PCDH7: variants seen among roughly 807,000 people sequenced by gnomAD.
The protein encoded by PCDH7 is protocadherin-7.
PCDH7 carries 17 observed loss-of-function variants against 58.9 expected under a neutral mutation model. The observed-to-expected ratio is 0.29, with a 90% CI of 0.20 to 0.43. PCDH7 has a LOEUF of 0.43. Ranked by LOEUF, PCDH7 falls within the 20% of genes least tolerant of loss-of-function variation. The pLI is 1.00. For synonymous variants in PCDH7, 664 were observed against 616.4 expected, an observed-to-expected ratio of 1.08 and a Z score of -1.14; for missense variants, 1,274 against 1,441.0, an observed-to-expected ratio of 0.88 and a Z score of 1.88.
At chr4:31,061,604 A>G (rs2109238528) in intron 3 of PCDH7, among the ~76,000 whole-genome samples, 1 of 151,826 alleles carries the variant, frequency 6.6e-6, no homozygotes, top group Non-Finnish European at 1.5e-5. Flanking sequence ...GTAACAAAGC[A>G]AAATATATAT....
intron 3 of PCDH7, among the ~76,000 whole-genome samples, chr4:31,087,540 G>A (rs1047166123): frequency 3.3e-5 from 5 of 152,082 alleles, no homozygotes; most frequent in Non-Finnish European, 5.9e-5. Context: ...GAGATAGATA[G>A]TTGTTGACAT....
chr4:31,078,315 G>A (rs764443105), intron 3 of PCDH7, among the ~76,000 whole-genome samples: 43 of 151,840 alleles, frequency 2.8e-4, no homozygotes, highest in Non-Finnish European at 4.0e-4. Context: ...ACAGGGTGTC[G>A]CTCTGCAGCC....
intron 3 of PCDH7, among the ~76,000 whole-genome samples, chr4:31,114,724 AGAG>A (rs1716786153): frequency 6.6e-6 from 1 of 151,918 alleles, no homozygotes; most frequent in Non-Finnish European, 1.5e-5. Flanking sequence ...TGGCAGGGAT[AGAG>A]GAGAGAGAAA....
In PCDH7 at chr4:30,894,600, T is replaced by C. The variant is rs1431917238; in HGVS notation, c.71-25553T>C. On this transcript the variant is annotated intron_variant, in intron 1 of 3. Coordinates refer to the PCDH7 transcript ENST00000509759. ...ACACATATATACACACACACACATA[T>C]ATATATATATATATATGTTTTGAGT... Among the ~76,000 whole-genome samples, 269 of 139,662 alleles carry C rather than the reference T, an allele frequency of 1.9e-3. 2 individuals carry two copies. The highest frequency in any genetic ancestry group is 6.7e-3 in the African/African-American group (255 of 37,934). 91.6% of individuals were successfully genotyped at this position (139,662 alleles called of 152,430 possible). A position where few individuals can be genotyped will look rare whatever the true frequency, so the allele number is the denominator to read the frequency against.
At chr4:30,751,221 C>A (rs1232386144) in intron 1 of PCDH7, among the ~76,000 whole-genome samples, 1 of 152,108 alleles carries the variant, frequency 6.6e-6, no homozygotes, top group African/African-American at 2.4e-5. Context: ...GGAATTTTGT[C>A]TTTAAATTAA....
chr4:30,729,722 G>T (rs1261880318), intron 1 of PCDH7, among the ~76,000 whole-genome samples: 1 of 151,698 alleles, frequency 6.6e-6, no homozygotes, highest in African/African-American at 2.4e-5. Context: ...TGACTTCTGG[G>T]CTTGTGTGCA....
chr4:30,748,352 T>A (rs1271570490), intron 1 of PCDH7, among the ~76,000 whole-genome samples: 5 of 152,176 alleles, frequency 3.3e-5, no homozygotes, highest in African/African-American at 1.2e-4. Flanking sequence ...TGCCACAGAC[T>A]GGGCAATTTA....
chr4:30,759,488 A>G (rs1719755102), intron 1 of PCDH7, among the ~76,000 whole-genome samples: 1 of 152,184 alleles, frequency 6.6e-6, no homozygotes. Flanking sequence ...AGTCAACTTT[A>G]TTCCAATCTG....
chr4:31,096,120 T>C (rs142006771), intron 3 of PCDH7, among the ~76,000 whole-genome samples: 4 of 152,290 alleles, frequency 2.6e-5, no homozygotes, highest in Non-Finnish European at 5.9e-5. Flanking sequence ...CACAGGCATA[T>C]CATATGTGCA....
chr4:31,037,807 T>A (rs1755542845), intron 3 of PCDH7, among the ~76,000 whole-genome samples: 1 of 152,220 alleles, frequency 6.6e-6, no homozygotes, highest in African/African-American at 2.4e-5. Flanking sequence ...GTGTGGACTT[T>A]GCTTTAAATG....
intron 3 of PCDH7, among the ~76,000 whole-genome samples, chr4:30,970,028 A>C (rs773682666): frequency 6.6e-6 from 1 of 152,198 alleles, no homozygotes; most frequent in Non-Finnish European, 1.5e-5. Flanking sequence ...TGAGAAACTG[A>C]GGCTTAGAGT....
intron 3 of PCDH7, among the ~76,000 whole-genome samples, chr4:31,134,524 C>T (rs1392021731): frequency 2.0e-5 from 3 of 152,134 alleles, no homozygotes; most frequent in Non-Finnish European, 4.4e-5. Context: ...TGGGTTATTG[C>T]TTGGAACAGT....
intron 1 of PCDH7, among the ~76,000 whole-genome samples, chr4:30,847,708 A>C (rs546533602): frequency 6.6e-6 from 1 of 152,260 alleles, no homozygotes; most frequent in African/African-American, 2.4e-5. Flanking sequence ...AGTGGATTTT[A>C]ATAATGTAAA....
intron 3 of PCDH7, among the ~76,000 whole-genome samples, chr4:30,982,984 C>G (rs2109112752): frequency 6.6e-6 from 1 of 152,220 alleles, no homozygotes; most frequent in South Asian, 2.1e-4. Context: ...CAGACATAAT[C>G]TTTCTGCAAA....
chr4:31,028,160 G>T (rs73113487), intron 3 of PCDH7, among the ~76,000 whole-genome samples: 2 of 151,876 alleles, frequency 1.3e-5, no homozygotes, highest in Non-Finnish European at 2.9e-5. Flanking sequence ...AATAATGTCC[G>T]CTGACATAGC....
At chr4:30,861,919 T>G (rs1468903526) in intron 1 of PCDH7, among the ~76,000 whole-genome samples, 1 of 152,126 alleles carries the variant, frequency 6.6e-6, no homozygotes. Flanking sequence ...ATTTTGGCCC[T>G]CATTAGTTTC....
At chr4:30,755,237 T>C (rs1458911824) in intron 1 of PCDH7, among the ~76,000 whole-genome samples, 2 of 152,208 alleles carry the variant, frequency 1.3e-5, no homozygotes, top group African/African-American at 2.4e-5. Context: ...TTTAAACAAC[T>C]CAAGTGTTTG....
At chr4:30,786,704 A>G in intron 1 of PCDH7, 1 of 946,578 alleles carries the variant, frequency 1.1e-6, no homozygotes, top group Non-Finnish European at 1.3e-6. Context: ...TAAAGCAGAC[A>G]TATATTTTTG....
At chr4:30,996,079 T>C (rs1191682059) in intron 3 of PCDH7, among the ~76,000 whole-genome samples, 1 of 152,212 alleles carries the variant, frequency 6.6e-6, no homozygotes, top group Non-Finnish European at 1.5e-5. Flanking sequence ...TCGAATTAAA[T>C]ATATAAAAAT....
Sources: allele counts gnomAD v4.1 joint callset (sites outside exome capture counted in the v4.1 genomes callset), GRCh38; gene constraint gnomAD v4.1.1; transcripts MANE v1.5; gene names NCBI Gene and HGNC (gene_info 2026-07-23, HGNC 2026-07-21).